Variants in ZNF775 observed in about 807,000 individuals in gnomAD.
The protein encoded by ZNF775 is zinc finger protein 775.
Under a neutral mutation model 2.4 loss-of-function variants are expected in ZNF775, and 1 was observed. That is an observed-to-expected ratio of 0.41 (90% confidence interval 0.15 to 1.94). ZNF775 has a LOEUF of 1.94. Among genes scored for constraint, ZNF775 ranks in the 30% most tolerant of loss-of-function variants. The pLI is 0.30. For missense variants in ZNF775, 823 were observed against 826.6 expected, an observed-to-expected ratio of 1.00 and a Z score of 0.05; for synonymous variants, 381 against 373.3, an observed-to-expected ratio of 1.02 and a Z score of -0.24.
Position 150,397,979 on chromosome 7 carries a change from C to A in ZNF775, c.1498C>A (p.Arg500=). 1 of 1,597,196 alleles carries A rather than the reference C, an allele frequency of 6.3e-7. No individual in the cohort carries two copies. The highest frequency in any genetic ancestry group is 8.5e-7 in the Non-Finnish European group (1 of 1,177,464). The change falls in exon 3 of 3, where the codon CGG becomes AGG. Residue 500 remains arginine (R), a synonymous_variant. Coordinates refer to ENST00000329630, the MANE Select transcript of ZNF775 (RefSeq NM_173680.4). ...TRHRRNHTGE[R]PYLCPACGRG... ...GCACCGGCGCAACCACACAGGCGAG[C>A]GGCCCTACCTGTGTCCCGCCTGCGG...
At chr7:150,386,358 C>T (rs1302298980) in intron 1 of ZNF775, among the ~76,000 whole-genome samples, 8 of 152,340 alleles carry the variant, frequency 5.3e-5, no homozygotes, top group Middle Eastern at 6.8e-3. Flanking sequence ...AGTTTCTAAA[C>T]AAAATGCTCT....
In ZNF775 at chr7:150,388,518, A is replaced by C; in HGVS notation, c.31+17A>C. On this transcript the variant is annotated intron_variant, in intron 2 of 2. Transcript: ENST00000329630. ...ACGGCACAGGTAAGAGAGAAGAAAG[A>C]GGAGGCAGGGGAGCGGGGTCTCCTC... The C allele has an allele frequency of 6.4e-7, 1 of 1,551,822 alleles. No individual in the cohort carries two copies. Among genetic ancestry groups the C allele is most frequent in the Non-Finnish European group, 8.7e-7 (1 of 1,147,028 alleles).
chr7:150,392,407 T>G (rs1800574509), intron 2 of ZNF775, among the ~76,000 whole-genome samples: 1 of 152,248 alleles, frequency 6.6e-6, no homozygotes, highest in African/African-American at 2.4e-5. Flanking sequence ...CATTTTTACT[T>G]TTACTTTTAT....
At chr7:150,390,830 G>A (rs1445280303) in intron 2 of ZNF775, among the ~76,000 whole-genome samples, 1 of 152,096 alleles carries the variant, frequency 6.6e-6, no homozygotes, top group Non-Finnish European at 1.5e-5. Context: ...GCTGGAAAGG[G>A]CCAGAAGGCT....
chr7:150,380,539 G>C (rs1239099392), intron 1 of ZNF775, among the ~76,000 whole-genome samples: 1 of 152,210 alleles, frequency 6.6e-6, no homozygotes, highest in Non-Finnish European at 1.5e-5. Context: ...CTGGGAAGGG[G>C]AGAACTGAGC....
In ZNF775 at chr7:150,393,574, A is replaced by G. The variant is rs942838491; in HGVS notation, c.32-2939A>G. Among the ~76,000 whole-genome samples, 5 of 152,318 alleles carry G rather than the reference A, an allele frequency of 3.3e-5. No homozygotes were observed. The South Asian group carries it at 8.3e-4, about 25-fold the overall frequency. ...TTCCAGAGTGGTGGCAGCACTTTGC[A>G]TTTCCACCAGGAAGGAAAGAGCCCC... On this transcript the variant is annotated intron_variant, in intron 2 of 2. Coordinates refer to ENST00000329630, the MANE Select transcript of ZNF775 (RefSeq NM_173680.4).
intron 1 of ZNF775, among the ~76,000 whole-genome samples, chr7:150,387,966 G>T (rs1394209045): frequency 2.6e-5 from 4 of 152,218 alleles, no homozygotes; most frequent in African/African-American, 9.6e-5. Flanking sequence ...GGGGGCGGGT[G>T]ACGGAGGAAA....
At chr7:150,385,254 G>A (rs4725338) in intron 1 of ZNF775, among the ~76,000 whole-genome samples, 121,255 of 152,166 alleles carry the variant, frequency 0.8, 49,316 homozygotes, top group Non-Finnish European at 0.89. Context: ...ATGCGTACAG[G>A]CCCCTGTTGG....
chr7:150,381,885 G>A (rs1379923243), intron 1 of ZNF775, among the ~76,000 whole-genome samples: 1 of 152,032 alleles, frequency 6.6e-6, no homozygotes, highest in Non-Finnish European at 1.5e-5. Flanking sequence ...AGGGCTGGGA[G>A]AGTGGTCACA....
chr7:150,382,442 C>T lies in ZNF775; in HGVS notation c.-50+3050C>T, dbSNP rs1016839644. 4.6e-5 allele frequency among the ~76,000 whole-genome samples: 7 copies of T among 152,114 alleles called. No individual in the cohort carries two copies. Among genetic ancestry groups the T allele is most frequent in the African/African-American group, 1.7e-4 (7 of 41,436 alleles). On this transcript the variant is annotated intron_variant, in intron 1 of 2. Coordinates refer to ENST00000329630, the MANE Select transcript of ZNF775 (RefSeq NM_173680.4). The surrounding 1 kb of genome is among the most constrained non-coding windows in gnomAD (Gnocchi z 4.6). ...CGGCTCAGTGGTGGGTGGGCTGGGA[C>T]TTGGGGTTCTTGATTAAGACATGGG...
At chr7:150,380,450 G>C (rs1169020068) in intron 1 of ZNF775, among the ~76,000 whole-genome samples, 1 of 152,190 alleles carries the variant, frequency 6.6e-6, no homozygotes, top group South Asian at 2.1e-4. Context: ...TAGGTGCACA[G>C]GTTAAACAGA....
chr7:150,392,889 G>C (rs539351070), intron 2 of ZNF775, among the ~76,000 whole-genome samples: 1 of 152,278 alleles, frequency 6.6e-6, no homozygotes, highest in African/African-American at 2.4e-5. Flanking sequence ...GAAGAAAGTA[G>C]AGTTCCCCTA....
Position 150,397,126 on chromosome 7 carries a change from G to C in ZNF775, c.645G>C (p.Arg215=). ...GCATCCACCAGCGCGCGCACGCCCG[G>C]GACCGCCAGGGCTCCCGCGCCGGCC... is the stretch of plus-strand genomic sequence containing the variant. The part of the protein sequence containing the change: ...GLRIHQRAHA[R]DRQGSRAGLH... Residue 215 remains arginine, a synonymous_variant, in exon 3 of 3, where the codon CGG becomes CGC. Transcript: ENST00000329630. The C allele has an allele frequency of 6.6e-7, 1 of 1,511,324 alleles. No individual in the cohort carries two copies. Among genetic ancestry groups the C allele is most frequent in the Non-Finnish European group, 8.8e-7 (1 of 1,139,140 alleles). The allele number at this position is 1,511,324 out of a possible 1,614,324, so 93.6% of individuals were successfully genotyped here. A position where few individuals can be genotyped will look rare whatever the true frequency, so the allele number is the denominator to read the frequency against.
At chr7:150,391,811 G>A (rs113854347) in intron 2 of ZNF775, among the ~76,000 whole-genome samples, 1,985 of 144,864 alleles carry the variant, frequency 0.014, 47 homozygotes, top group African/African-American at 0.049. Flanking sequence ...TCCCTGGTTC[G>A]GGTGATTTTC....
intron 1 of ZNF775, among the ~76,000 whole-genome samples, chr7:150,381,933 T>G: frequency 7.7e-6 from 1 of 130,034 alleles, no homozygotes; most frequent in Non-Finnish European, 1.6e-5. Context: ...TCCGGGAAGT[T>G]GGAGAGGAGC....
Position 150,398,072 on chromosome 7 carries a change from A to T in ZNF775, c.1591A>T (p.Ser531Cys), listed in dbSNP as rs747125740. The change falls in exon 3 of 3, where the codon AGC becomes TGC. Residue 531 changes from serine (S) to cysteine (C), a missense_variant. Transcript: ENST00000329630. ...QRVHRAAPAC[S>C]PKEEAR is the part of the protein sequence containing the mutation. ...CGTGCACCGCGCGGCCCCTGCGTGC[A>T]GCCCCAAGGAGGAGGCGCGCTAGTG... 1.3e-5 allele frequency: 21 copies of T among 1,558,152 alleles called. No individual in the cohort carries two copies. Among genetic ancestry groups the T allele is most frequent in the Non-Finnish European group, 1.7e-5 (20 of 1,156,530 alleles).
intron 1 of ZNF775, among the ~76,000 whole-genome samples, chr7:150,388,093 G>A (rs572893707): frequency 2.6e-5 from 4 of 152,284 alleles, no homozygotes; most frequent in East Asian, 1.9e-4. Flanking sequence ...GCCGCCCTGC[G>A]AATGTTGAGG....
rs751788041 is a variant in ZNF775 at position 150,397,298 on chromosome 7, G to A, written c.817G>A (p.Glu273Lys). Residue 273 changes from glutamate to lysine, a missense_variant, in exon 3 of 3, where the codon GAG (glutamate) becomes AAG (lysine). Transcript: ENST00000329630. ...PGARAAVSGP[E>K]GPGEPRQFIC... ...GGCCCGGGCCGCGGTCTCCGGCCCCGAGGGGCCGGGCGAGCCGCGCCAGTT... is the reference window on the plus strand; with the variant it reads ...GGCCCGGGCCGCGGTCTCCGGCCCCAAGGGGCCGGGCGAGCCGCGCCAGTT... 1.0e-5 allele frequency: 16 copies of A among 1,559,288 alleles called. No individual in the cohort carries two copies. Among genetic ancestry groups the A allele is most frequent in the East Asian group, 9.5e-5 (4 of 42,208 alleles).
chr7:150,383,186 A>T (rs1012938104), intron 1 of ZNF775, among the ~76,000 whole-genome samples: 1 of 152,146 alleles, frequency 6.6e-6, no homozygotes, highest in Admixed American at 6.5e-5. Flanking sequence ...TCAGTTTCTT[A>T]TGTCCCTATG....
Sources: allele counts gnomAD v4.1 joint callset (sites outside exome capture counted in the v4.1 genomes callset), GRCh38; gene constraint gnomAD v4.1.1; non-coding constraint Gnocchi (gnomAD v3.1); transcripts MANE v1.5; gene names NCBI Gene and HGNC (gene_info 2026-07-23, HGNC 2026-07-21).